FHIP2B: variants seen among roughly 807,000 people sequenced by gnomAD.
FHIP2B encodes FHF complex subunit HOOK interacting protein 2B.
A neutral mutation model predicts 84.0 loss-of-function variants in FHIP2B; 72 were observed. The ratio of observed to expected loss-of-function variants is 0.86; its 90% CI spans 0.71 to 1.04. The LOEUF is 1.04. Ranked by LOEUF, FHIP2B falls within the 50% of genes least tolerant of loss-of-function variation. FHIP2B has a pLI of 0.00. For missense variants in FHIP2B, 972 were observed against 968.9 expected, an observed-to-expected ratio of 1.00 and a Z score of -0.04; for synonymous variants, 497 against 418.7, an observed-to-expected ratio of 1.19 and a Z score of -2.28.
At chr8:22,093,538 G>C (rs1825605167) in intron 1 of FHIP2B, among the ~76,000 whole-genome samples, 2 of 152,052 alleles carry the variant, frequency 1.3e-5, no homozygotes, top group African/African-American at 4.8e-5. Flanking sequence ...AGTTGGGGTT[G>C]TGCAGGCTCA....
At chr8:22,090,606 T>C (rs1454447811) in intron 1 of FHIP2B, among the ~76,000 whole-genome samples, 1 of 152,180 alleles carries the variant, frequency 6.6e-6, no homozygotes, top group Admixed American at 6.5e-5. Flanking sequence ...TCCTCAGTCC[T>C]GAGGAGTGAA....
At chr8:22,091,094 G>C (rs1050944885) in intron 1 of FHIP2B, among the ~76,000 whole-genome samples, 1 of 152,046 alleles carries the variant, frequency 6.6e-6, no homozygotes, top group Non-Finnish European at 1.5e-5. Context: ...TTCCTCTTTT[G>C]TGCTCTACCC....
rs1181928639 is a variant in FHIP2B, at chr8:22,099,897, C to T, written c.1341+4C>T. On this transcript the variant is annotated splice_donor_region_variant and intron_variant, in intron 10 of 16. Transcript: ENST00000289921. Reference sequence around the variant, plus strand: ...TTGTGACCACCTCTCTGATGAGGTACAGTGGGGGACCTCCATCTCTGTTCC... The same window carrying T: ...TTGTGACCACCTCTCTGATGAGGTATAGTGGGGGACCTCCATCTCTGTTCC... 6.2e-7 allele frequency: 1 copy of T among 1,601,804 alleles called. No homozygotes were observed. The highest frequency in any genetic ancestry group is 1.7e-5 in the Admixed American group (1 of 57,184).
At chr8:22,089,454 C>T (rs1475681057) in intron 1 of FHIP2B, among the ~76,000 whole-genome samples, 156 bp downstream of exon 1, 2 of 150,944 alleles carry the variant, frequency 1.3e-5, no homozygotes, top group African/African-American at 4.8e-5. Flanking sequence ...TCTGCCTCCC[C>T]GGCCGCGCCC....
chr8:22,094,584 G>A, intron 2 of FHIP2B, 66 bp downstream of exon 2: 2 of 1,599,196 alleles, frequency 1.3e-6, no homozygotes. Flanking sequence ...TGTGCAGAGT[G>A]TCACCATTCA....
rs1826048641 is a variant in FHIP2B at position 22,100,576 on chromosome 8, AC to A, written c.1342-13del. The A allele has an allele frequency of 2.0e-6, 3 of 1,518,240 alleles. No individual in the cohort carries two copies. The highest frequency in any genetic ancestry group is 4.6e-5 in the East Asian group (2 of 43,174). The allele number at this position is 1,518,240 out of a possible 1,614,324, so 94.0% of individuals were successfully genotyped here. On this transcript the variant is annotated splice_polypyrimidine_tract_variant and intron_variant, in intron 10 of 16. Transcript: ENST00000289921. The stretch of plus-strand genomic sequence containing the variant: ...GGGTGGGGAAGGGGCTATCCTGCCG[AC>A]CCCCTTCCTGCTCCAGATCAGCATC...
At chr8:22,094,296 C>A in intron 1 of FHIP2B, 144 bp from the exon 2 acceptor site, 1 of 672,356 alleles carries the variant, frequency 1.5e-6, no homozygotes, top group South Asian at 2.1e-5. Flanking sequence ...ATGTGTTATT[C>A]CTCCCTTTGA....
chr8:22,098,047 C>CTCA, intron 5 of FHIP2B, 21 bp from the exon 6 acceptor site: 1 of 1,579,722 alleles, frequency 6.3e-7, no homozygotes, highest in Non-Finnish European at 8.6e-7. Flanking sequence ...CAGGTCTGGC[C>CTCA]TCATCTCACC....
chr8:22,089,535 C>G lies in FHIP2B; in HGVS notation c.45+237C>G, dbSNP rs975195629. Among the ~76,000 whole-genome samples the G allele has an allele frequency of 2.0e-5, 3 of 152,076 alleles. No homozygotes were observed. In the South Asian group the frequency reaches 6.2e-4, roughly 31 times the overall value. The stretch of plus-strand genomic sequence containing the variant: ...CCGCCCCACCTCCCCGGCCTGCTCC[C>G]GCGTCGCTTCCTGTCTGTGCGTCCT... On this transcript the variant is annotated intron_variant, in intron 1 of 16. Transcript: ENST00000289921.
intron 1 of FHIP2B, among the ~76,000 whole-genome samples, chr8:22,090,150 G>GGGT (rs1054045840): frequency 9.2e-6 from 1 of 109,080 alleles, no homozygotes; most frequent in Non-Finnish European, 2.0e-5. Context: ...ATTCCCGGTA[G>GGGT]GGTGGGGGGG....
intron 1 of FHIP2B, among the ~76,000 whole-genome samples, chr8:22,092,594 AG>A (rs1385209661): frequency 6.2e-5 from 8 of 128,704 alleles, no homozygotes; most frequent in Non-Finnish European, 1.1e-4. Flanking sequence ...ACTCTGTCTC[AG>A]AAGAAAAAAA....
Position 22,094,650 on chromosome 8 carries a change from G to C in FHIP2B, c.124+132G>C, listed in dbSNP as rs1408687905. ...GTTCAGAATTGGAGCCGAGTTCACG[G>C]AGACAGAGAACCAGACAGACAGAAG... On this transcript the variant is annotated intron_variant, in intron 2 of 16. Transcript: ENST00000289921. 3 of 1,519,754 alleles carry C rather than the reference G, an allele frequency of 2.0e-6. No individual in the cohort carries two copies. The South Asian group carries it at 3.6e-5, about 18-fold the overall frequency. 94.1% of individuals were successfully genotyped at this position (1,519,754 alleles called of 1,614,324 possible).
At position 22,097,549 on chromosome 8, in the gene FHIP2B, T is replaced by C. The variant is rs747632096; in HGVS notation, c.331T>C (p.Phe111Leu). Residue 111 changes from phenylalanine (F) to leucine (L), a missense_variant, in exon 4 of 17, where the codon TTC becomes CTC. Physicochemically the swap from Phe to Leu is conservative, Grantham distance 22. Transcript: ENST00000289921. The part of the protein sequence containing the change: ...PPGMRQQVFQ[F>L]FSKVLAQVQH... ...AGGCATGCGGCAGCAGGTGTTCCAG[T>C]TCTTCAGCAAGGTTCTGGCGCAGGT... is the stretch of plus-strand genomic sequence containing the variant. The C allele has an allele frequency of 1.9e-6, 3 of 1,609,880 alleles. No individual in the cohort carries two copies. Among genetic ancestry groups the C allele is most frequent in the Non-Finnish European group, 2.5e-6 (3 of 1,178,622 alleles).
At chr8:22,097,163 C>T (rs1315502998) in intron 3 of FHIP2B, 3 of 344,296 alleles carry the variant, frequency 8.7e-6, no homozygotes, top group African/African-American at 2.1e-5. Context: ...GTTGTGAGTG[C>T]CAGGAAGGCT....
intron 14 of FHIP2B, 123 bp from the exon 15 acceptor site, chr8:22,102,052 A>G: frequency 6.4e-7 from 1 of 1,564,834 alleles, no homozygotes; most frequent in Non-Finnish European, 8.6e-7. Flanking sequence ...TCCATGACAC[A>G]CACACATCAC....
intron 1 of FHIP2B, among the ~76,000 whole-genome samples, chr8:22,091,689 G>A (rs140288560): frequency 1.4e-4 from 21 of 152,258 alleles, no homozygotes; most frequent in Non-Finnish European, 2.2e-4. Context: ...TGCCTCTCCC[G>A]TGTCTCCTGC....
chr8:22,097,783 A>G lies in FHIP2B; in HGVS notation c.469A>G (p.Thr157Ala), dbSNP rs1018221350. The G allele has an allele frequency of 1.2e-6, 2 of 1,613,434 alleles. No individual in the cohort carries two copies. Among genetic ancestry groups the G allele is most frequent in the Non-Finnish European group, 1.7e-6 (2 of 1,179,810 alleles). Residue 157 changes from threonine to alanine, a missense_variant, in exon 5 of 17, where the codon ACC (threonine) becomes GCC (alanine). Physicochemically the swap from Thr to Ala is moderately conservative, Grantham distance 58. Transcript: ENST00000289921. ...VTEKEEVQFT[T>A]VLCSKIQQDP... ...AGAAAAGGAGGAGGTGCAGTTCACC[A>G]CCGTCCTCTGCTCCAAGATCCAGCA...
chr8:22,101,054 C>G, intron 12 of FHIP2B, 82 bp downstream of exon 12: 2 of 1,494,550 alleles, frequency 1.3e-6, no homozygotes, highest in Non-Finnish European at 1.8e-6. Flanking sequence ...CTCGCTCCGT[C>G]ACCCAGGATG....
intron 7 of FHIP2B, 45 bp downstream of exon 7, chr8:22,098,664 G>A: frequency 1.3e-6 from 2 of 1,490,778 alleles, no homozygotes; most frequent in Non-Finnish European, 1.8e-6. Flanking sequence ...TTCAGTTGCT[G>A]GCAGCCCTGC....
Sources: allele counts gnomAD v4.1 joint callset (sites outside exome capture counted in the v4.1 genomes callset), GRCh38; gene constraint gnomAD v4.1.1; transcripts MANE v1.5; gene names NCBI Gene and HGNC (gene_info 2026-07-23, HGNC 2026-07-21).